The following WNK2 variants were observed in gnomAD, a reference collection of about 807,000 sequenced individuals.
WNK2 encodes the protein WNK lysine deficient protein kinase 2.
WNK2 carries 67 observed loss-of-function variants against 192.1 expected under a neutral mutation model. The observed-to-expected ratio is 0.35, with a 90% confidence interval of 0.29 to 0.43. The LOEUF (loss-of-function observed/expected upper bound fraction) is 0.43, where lower values mean the gene tolerates loss of function less well. WNK2 is among the 20% of genes least tolerant of loss of function. The pLI, the probability that WNK2 is intolerant of heterozygous loss-of-function variation, is 1.00. For synonymous variants in WNK2, 1,439 were observed against 1,393.9 expected (o/e 1.03, Z -0.72); for missense variants, 2,698 against 3,089.7 (o/e 0.87, Z 3.01).
At chr9:93,185,687 T>C (rs2130844861) in intron 2 of WNK2, 77 bp downstream of exon 2, 2 of 1,514,466 alleles carry the variant, frequency 1.3e-6, no homozygotes, top group East Asian at 4.9e-5. Flanking sequence ...TCCTTGCTCC[T>C]GCGCCTGGCC....
chr9:93,306,881 A>C lies in WNK2; in HGVS notation c.6259+60A>C, dbSNP rs542763098. ...TCATCGCATGGGCTTTCTCGTGGCT[A>C]GCGCACATCAGGGTTCCCGCGGCCG... On this transcript the variant is annotated intron_variant, in intron 27 of 29. Transcript: ENST00000427277. 6 of 1,611,066 alleles carry C rather than the reference A, an allele frequency of 3.7e-6. No individual in the cohort carries two copies. The African/African-American group carries it at 6.7e-5, about 18-fold the overall frequency.
chr9:93,207,901 C>A (rs1467189680), intron 2 of WNK2, among the ~76,000 whole-genome samples: 4 of 152,224 alleles, frequency 2.6e-5, no homozygotes, highest in African/African-American at 9.6e-5. Context: ...GTTCACAGTT[C>A]CGTTCTCGTG....
Position 93,292,872 on chromosome 9 carries a change from G to A in WNK2, c.5407G>A (p.Glu1803Lys), listed in dbSNP as rs1387427811. The change falls in exon 23 of 30, where the codon GAG becomes AAG. Residue 1803 changes from glutamate (E) to lysine (K), a missense_variant. Around this residue, in one of 7 missense-constraint regions of WNK2, gnomAD observed 1,098 missense variants for 1,101.0 expected, o/e 1.00. Transcript: ENST00000427277. ...TASSIEVGVG[E>K]PVSSDSGDEG... The stretch of plus-strand genomic sequence containing the variant: ...CTCCTCCATCGAGGTCGGCGTGGGC[G>A]AGCCCGTGTCCAGCGACTCTGGGGA... The A allele has an allele frequency of 4.0e-6, 6 of 1,504,956 alleles. No homozygotes were observed. Among genetic ancestry groups the A allele is most frequent in the African/African-American group, 1.4e-5 (1 of 71,936 alleles). 93.2% of individuals were successfully genotyped at this position (1,504,956 alleles called of 1,614,324 possible). A position where few individuals can be genotyped will look rare whatever the true frequency, so the allele number is the denominator to read the frequency against.
In WNK2 at chr9:93,274,389, G is replaced by A. The variant is rs559792805; in HGVS notation, c.4033+5643G>A. Among the ~76,000 whole-genome samples the A allele has an allele frequency of 2.6e-5, 4 of 152,184 alleles. No homozygotes were observed. In the East Asian group the frequency reaches 5.8e-4, roughly 22 times the overall value. ...TAGCTGGGCATGGTGGCGGGTGCCT[G>A]TAGTCCCAGCTACTCAGGAGGCTGA... On this transcript the variant is annotated intron_variant, in intron 19 of 29. Transcript: ENST00000427277.
At position 93,263,629 on chromosome 9, in the gene WNK2, A is replaced by T; in HGVS notation, c.3474A>T (p.Gly1158=). The change falls in exon 15 of 30, where the codon GGA becomes GGT. Residue 1158 remains glycine (G), a synonymous_variant. Coordinates refer to ENST00000427277, the MANE Select transcript of WNK2 (RefSeq NM_006648.4). Reference sequence around the variant, plus strand: ...GTGACAGCTGTGAAGGCGCCTTTGGAGGGGGCAGGCTGGAGGGCAGGGCAG... The same window carrying T: ...GTGACAGCTGTGAAGGCGCCTTTGGTGGGGGCAGGCTGGAGGGCAGGGCAG... ...ELSDSCEGAF[G]GGRLEGRAAR... 6.2e-7 allele frequency: 1 copy of T among 1,608,066 alleles called. No individual in the cohort carries two copies. Among genetic ancestry groups the T allele is most frequent in the Non-Finnish European group, 8.5e-7 (1 of 1,178,510 alleles).
At chr9:93,205,544 C>G (rs896771562) in intron 2 of WNK2, among the ~76,000 whole-genome samples, 3 of 152,192 alleles carry the variant, frequency 2.0e-5, no homozygotes, top group African/African-American at 7.2e-5. Flanking sequence ...GCCTGGCCCC[C>G]ACTCTGTCCT....
Position 93,292,951 on chromosome 9 carries a change from G to A in WNK2, c.5486G>A (p.Ser1829Asn). The A allele has an allele frequency of 6.5e-7, 1 of 1,534,320 alleles. No individual in the cohort carries two copies. The change falls in exon 23 of 30, where the codon AGT becomes AAT. Residue 1829 changes from serine to asparagine, a missense_variant. Around this residue, in one of 7 missense-constraint regions of WNK2, gnomAD observed 1,098 missense variants for 1,101.0 expected, o/e 1.00. Transcript: ENST00000427277. The stretch of plus-strand genomic sequence containing the variant: ...CAGAAGCAGGCGTCCCTGCCCGTGA[G>A]TGGCAGCGTGGCTGGCGACTTCGTG... ...PVQKQASLPV[S>N]GSVAGDFVKK...
chr9:93,201,215 G>A (rs1443905424), intron 2 of WNK2, among the ~76,000 whole-genome samples: 2 of 152,136 alleles, frequency 1.3e-5, no homozygotes, highest in African/African-American at 2.4e-5. Context: ...CTGTGTGGCC[G>A]AGTGCGTTTC....
chr9:93,233,332 A>C (rs900184588), intron 4 of WNK2, among the ~76,000 whole-genome samples: 1 of 152,206 alleles, frequency 6.6e-6, no homozygotes, highest in African/African-American at 2.4e-5. Flanking sequence ...GGGTTCTTCC[A>C]GAGTTCTGTG....
intron 18 of WNK2, 61 bp from the exon 19 acceptor site, chr9:93,268,566 G>T: frequency 6.4e-7 from 1 of 1,562,062 alleles, no homozygotes; most frequent in Non-Finnish European, 8.7e-7. Flanking sequence ...GGTGATGGGG[G>T]TCACACTGGC....
intron 2 of WNK2, among the ~76,000 whole-genome samples, chr9:93,211,447 C>T (rs1834680983): frequency 1.3e-5 from 2 of 151,078 alleles, no homozygotes; most frequent in Non-Finnish European, 3.0e-5. Context: ...CACTCATCCA[C>T]TCACCCACCC....
In WNK2 at chr9:93,239,663, GTGCCTGTCCTTGTCC is replaced by G. The variant is rs1840417286; in HGVS notation, c.1323-91_1323-77del. Reference sequence around the variant, plus strand: ...GGCCTGGCCTCAGGCTCCTGCAGGTGTGCCTGTCCTTGTCCTGGTGCGCATGGACACAGGAGCCTG... The same window carrying G: ...GGCCTGGCCTCAGGCTCCTGCAGGTGTGGTGCGCATGGACACAGGAGCCTG... On this transcript the variant is annotated intron_variant, in intron 6 of 29. Transcript: ENST00000427277. The surrounding 1 kb of genome is among the most constrained non-coding windows in gnomAD (Gnocchi z 4.2). The G allele has an allele frequency of 9.7e-6, 11 of 1,131,200 alleles. No homozygotes were observed. Among genetic ancestry groups the G allele is most frequent in the Non-Finnish European group, 1.3e-5 (10 of 793,390 alleles). The allele number at this position is 1,131,200 out of a possible 1,614,324, so 70.1% of individuals were successfully genotyped here.
At position 93,234,917 on chromosome 9, in the gene WNK2, C is replaced by T. The variant is rs566050118; in HGVS notation, c.1185C>T (p.Pro395=). 2 of 1,614,188 alleles carry T rather than the reference C, an allele frequency of 1.2e-6. No individual in the cohort carries two copies. Among genetic ancestry groups the T allele is most frequent in the East Asian group, 2.2e-5 (1 of 44,888 alleles). The part of the protein sequence containing the change: ...CMLEMATSEY[P]YSECQNAAQI... ...TGGAGATGGCCACCTCGGAGTACCC[C>T]TACTCGGAGTGCCAGAATGCGGCCC... Residue 395 remains proline (P), a synonymous_variant, in exon 5 of 30, where the codon CCC becomes CCT. Transcript: ENST00000427277.
At chr9:93,292,446 G>A in intron 22 of WNK2, 45 bp from the exon 23 acceptor site, 1 of 1,613,524 alleles carries the variant, frequency 6.2e-7, no homozygotes, top group Non-Finnish European at 8.5e-7. Flanking sequence ...TTTGCTCTGT[G>A]CTGATGTTCA....
intron 21 of WNK2, among the ~76,000 whole-genome samples, chr9:93,291,132 A>G (rs1849279749): frequency 6.6e-6 from 1 of 152,214 alleles, no homozygotes; most frequent in Admixed American, 6.5e-5. Context: ...CCTGAGGAAG[A>G]TAAGGGACAG....
At chr9:93,255,711 T>G (rs1302636782) in intron 9 of WNK2, among the ~76,000 whole-genome samples, 2 of 152,208 alleles carry the variant, frequency 1.3e-5, no homozygotes, top group African/African-American at 4.8e-5. Flanking sequence ...CCCCTGTAAA[T>G]GATTCAGCCT....
At chr9:93,256,849 T>G in intron 10 of WNK2, 99 bp from the exon 11 acceptor site, 1 of 1,128,576 alleles carries the variant, frequency 8.9e-7, no homozygotes, top group Non-Finnish European at 1.2e-6. Flanking sequence ...TGCGTGTGCA[T>G]GTGAGGGTGA....
At chr9:93,248,744 G>A (rs1428086479) in intron 8 of WNK2, among the ~76,000 whole-genome samples, 1 of 152,214 alleles carries the variant, frequency 6.6e-6, no homozygotes, top group Non-Finnish European at 1.5e-5. Flanking sequence ...AGTATCTTCT[G>A]CACATACAGG....
intron 2 of WNK2, among the ~76,000 whole-genome samples, chr9:93,200,356 G>C (rs1348192127): frequency 6.6e-6 from 1 of 152,226 alleles, no homozygotes; most frequent in Non-Finnish European, 1.5e-5. Context: ...CTTTACAGGA[G>C]GGAGACCCGA....
Sources: gnomAD v4.1 joint callset for allele counts (sites outside exome capture counted in the v4.1 genomes callset) on GRCh38, gnomAD v4.1.1 for gene constraint, gnomAD v4.1.1 regional missense constraint, Gnocchi (gnomAD v3.1) non-coding constraint, MANE v1.5 for transcripts, NCBI Gene and HGNC (gene_info 2026-07-23, HGNC 2026-07-21) for gene names.